DMD: variants seen among roughly 807,000 people sequenced by gnomAD.
DMD encodes dystrophin.
In DMD, 63 loss-of-function variants were observed where a neutral mutation model predicts 330.1. The ratio of observed to expected loss-of-function variants is 0.19; its 90% CI spans 0.16 to 0.24. The LOEUF (loss-of-function observed/expected upper bound fraction) is 0.24, where lower values mean the gene tolerates loss of function less well. DMD is among the 10% of genes least tolerant of loss of function. The probability of loss-of-function intolerance (pLI) is 1.00; values close to 1 mark genes in which losing one functional copy is unlikely to be tolerated. For synonymous variants in DMD, 1,223 were observed against 959.8 expected (o/e 1.27, Z -5.07); for missense variants, 3,344 against 2,684.1 (o/e 1.25, Z -5.43).
rs149096640 is a variant in DMD, at chrX:32,730,018, G to A, written c.650-30725C>T. Among the ~76,000 whole-genome samples, 605 of 111,847 alleles carry A rather than the reference G, an allele frequency of 5.4e-3. 10 individuals are homozygous for A. The highest frequency in any genetic ancestry group is 0.041 in the East Asian group (143 of 3,520). ...ATGTTTTTGGCTTTGGGAAACTGCA[G>A]TGTTCAGATCCCCACTGTTAAAATG... On this transcript the variant is annotated intron_variant, in intron 7 of 78. Coordinates refer to ENST00000357033, the MANE Select transcript of DMD (RefSeq NM_004006.3).
At chrX:32,513,887 T>C (rs1023142034) in intron 18 of DMD, among the ~76,000 whole-genome samples, 2 of 110,717 alleles carry the variant, frequency 1.8e-5, no homozygotes, top group African/African-American at 3.3e-5. Flanking sequence ...TGGCCAAGAA[T>C]GTGAAAGAAT....
At chrX:31,982,422 T>C (rs981833910) in intron 44 of DMD, among the ~76,000 whole-genome samples, 4 of 111,328 alleles carry the variant, frequency 3.6e-5, no homozygotes, top group African/African-American at 1.3e-4. Context: ...GGAAATAAGA[T>C]TGCAGAGTAG....
At chrX:33,224,386 C>T (rs1359986605) in intron 1 of DMD, among the ~76,000 whole-genome samples, 2 of 111,352 alleles carry the variant, frequency 1.8e-5, no homozygotes, top group East Asian at 2.8e-4. Context: ...ACTATAGATG[C>T]TAAAAAGAAA....
At chrX:31,462,912 C>T (rs1603116530) in intron 59 of DMD, among the ~76,000 whole-genome samples, 2 of 111,785 alleles carry the variant, frequency 1.8e-5, no homozygotes, top group South Asian at 7.4e-4. Flanking sequence ...AAAGATAAAG[C>T]CTGCAAAAAC....
chrX:33,049,788 G>T (rs1336276262), intron 1 of DMD, among the ~76,000 whole-genome samples: 1 of 111,191 alleles, frequency 9.0e-6, no homozygotes, highest in Non-Finnish European at 1.9e-5. Context: ...AAGCAATAGG[G>T]TCAACATGAA....
chrX:31,982,168 T>G (rs1284011740), intron 44 of DMD, among the ~76,000 whole-genome samples: 1 of 110,913 alleles, frequency 9.0e-6, no homozygotes, highest in Non-Finnish European at 1.9e-5. Flanking sequence ...CTAAACAACT[T>G]AAAAACCACT....
chrX:31,690,626 C>G lies in DMD; in HGVS notation c.7661-11040G>C, dbSNP rs1158608586. Among the ~76,000 whole-genome samples the G allele has an allele frequency of 2.7e-5, 3 of 111,661 alleles. No individual in the cohort carries two copies. The Admixed American group carries it at 2.8e-4, about 11-fold the overall frequency. On this transcript the variant is annotated intron_variant, in intron 52 of 78. Coordinates refer to ENST00000357033, the MANE Select transcript of DMD (RefSeq NM_004006.3). Reference sequence around the variant, plus strand: ...AGCTATCCCATTACTGGGTATATACCCAAAGGATTATAAATCCTGCTGCTG... The same window carrying G: ...AGCTATCCCATTACTGGGTATATACGCAAAGGATTATAAATCCTGCTGCTG...
intron 54 of DMD, among the ~76,000 whole-genome samples, chrX:31,649,704 G>T (rs747232330): frequency 1.8e-5 from 2 of 109,814 alleles, no homozygotes; most frequent in East Asian, 5.8e-4. Flanking sequence ...GGAAGATTTG[G>T]GTCTCAGCAA....
chrX:33,068,567 A>T (rs1223004867), intron 1 of DMD, among the ~76,000 whole-genome samples: 1 of 112,594 alleles, frequency 8.9e-6, no homozygotes, highest in Non-Finnish European at 1.9e-5. Flanking sequence ...GTAGCAAAAC[A>T]ACAGTGCGTA....
intron 51 of DMD, among the ~76,000 whole-genome samples, chrX:31,773,464 C>A (rs1455933922): frequency 1.8e-5 from 2 of 111,554 alleles, no homozygotes; most frequent in East Asian, 2.8e-4. Context: ...TTACTTTTCT[C>A]TTTTTAAGTT....
intron 63 of DMD, among the ~76,000 whole-genome samples, chrX:31,257,993 T>C (rs1223822771): frequency 1.8e-5 from 2 of 111,973 alleles, no homozygotes; most frequent in African/African-American, 6.5e-5. Flanking sequence ...ACAATCATTC[T>C]ATATGTGCCA....
At chrX:32,825,764 A>T (rs2078642672) in intron 4 of DMD, among the ~76,000 whole-genome samples, 1 of 111,849 alleles carries the variant, frequency 8.9e-6, no homozygotes, top group Non-Finnish European at 1.9e-5. Flanking sequence ...AATAAGCAAG[A>T]CATAAAATGA....
intron 48 of DMD, among the ~76,000 whole-genome samples, chrX:31,841,708 C>T (rs1164134659): frequency 8.0e-5 from 9 of 112,295 alleles, no homozygotes; most frequent in Non-Finnish European, 1.1e-4. Flanking sequence ...AAGGGAACAA[C>T]AAAGCCTGGA....
chrX:33,048,694 T>TAAAAAAAAA (rs748856962), intron 1 of DMD, among the ~76,000 whole-genome samples: 1 of 35,618 alleles, frequency 2.8e-5, no homozygotes, highest in Non-Finnish European at 4.4e-5. Flanking sequence ...ACTCCCCATC[T>TAAAAAAAAA]AAAAAAAAAA....
At chrX:32,918,293 C>T (rs1021109842) in intron 2 of DMD, among the ~76,000 whole-genome samples, 6 of 111,631 alleles carry the variant, frequency 5.4e-5, no homozygotes, top group African/African-American at 2.0e-4. Flanking sequence ...AAACTGACTC[C>T]TGAAATCTAA....
intron 41 of DMD, among the ~76,000 whole-genome samples, chrX:32,335,101 T>C (rs746422273): frequency 1.9e-4 from 21 of 111,352 alleles, no homozygotes; most frequent in South Asian, 3.7e-4. Flanking sequence ...TGAAAACTCT[T>C]TGTGAATGTA....
intron 45 of DMD, among the ~76,000 whole-genome samples, chrX:31,933,479 C>A (rs2094884728): frequency 9.6e-6 from 1 of 103,897 alleles, no homozygotes; most frequent in African/African-American, 3.7e-5. Flanking sequence ...GACAGCTGAA[C>A]AAAATTGTTT....
chrX:32,795,675 A>G (rs2076131620), intron 7 of DMD, among the ~76,000 whole-genome samples: 1 of 112,341 alleles, frequency 8.9e-6, no homozygotes, highest in Non-Finnish European at 1.9e-5. Flanking sequence ...GAGTGAAGAG[A>G]CAACCTGCTG....
intron 41 of DMD, among the ~76,000 whole-genome samples, chrX:32,337,807 T>G (rs1273913037): frequency 3.6e-5 from 4 of 111,362 alleles, no homozygotes; most frequent in Non-Finnish European, 5.7e-5. Flanking sequence ...AACACTGCAT[T>G]CTCCTAGTAT....
Sources: gnomAD v4.1 joint callset for allele counts (sites outside exome capture counted in the v4.1 genomes callset) on GRCh38, gnomAD v4.1.1 for gene constraint, MANE v1.5 for transcripts, NCBI Gene and HGNC (gene_info 2026-07-23, HGNC 2026-07-21) for gene names.